The following REEP5 variants were observed in gnomAD, a reference collection of about 807,000 sequenced individuals.
REEP5 encodes receptor expression-enhancing protein 5.
REEP5 carries 24 observed loss-of-function variants against 22.4 expected under a neutral mutation model. That is an observed-to-expected ratio of 1.07 (90% CI 0.78 to 1.51). The LOEUF (loss-of-function observed/expected upper bound fraction) is 1.51, where lower values mean the gene tolerates loss of function less well. Ranked by LOEUF, REEP5 falls within the 40% of genes most tolerant of loss-of-function variation. REEP5 has a pLI of 0.00. For missense variants in REEP5, 252 were observed against 233.0 expected (o/e 1.08, Z -0.53); for synonymous variants, 103 against 88.6 (o/e 1.16, Z -0.92).
At chr5:112,886,940 C>T (rs931759597) in intron 4 of REEP5, 75 bp downstream of exon 4, 11 of 1,139,936 alleles carry the variant, frequency 9.6e-6, no homozygotes, top group Admixed American at 2.1e-5. Flanking sequence ...ACAAGAAGGC[C>T]AGGAAGCCTG....
At chr5:112,892,049 AAG>A in intron 3 of REEP5, 1 of 1,517,144 alleles carries the variant, frequency 6.6e-7, no homozygotes, top group South Asian at 1.1e-5. Context: ...AAGAAAGAAA[AAG>A]AGGAAGCTGT....
At chr5:112,888,601 CT>C (rs1192991410) in intron 3 of REEP5, among the ~76,000 whole-genome samples, 5 of 136,340 alleles carry the variant, frequency 3.7e-5, no homozygotes, top group Non-Finnish European at 7.6e-5. Context: ...TTTTTTATAA[CT>C]TTTTTTTGTA....
intron 2 of REEP5, among the ~76,000 whole-genome samples, chr5:112,913,907 A>T (rs912099660): frequency 2.9e-5 from 4 of 139,998 alleles, no homozygotes; most frequent in African/African-American, 7.9e-5. Flanking sequence ...CTCAAAACTG[A>T]ATGTGTGTGT....
intron 4 of REEP5, among the ~76,000 whole-genome samples, chr5:112,884,685 C>T (rs1768180303): frequency 6.6e-6 from 1 of 151,770 alleles, no homozygotes; most frequent in South Asian, 2.1e-4. Context: ...GTTCCTGATT[C>T]CTTTACTACT....
chr5:112,906,135 G>T (rs962753628), intron 2 of REEP5, among the ~76,000 whole-genome samples: 1 of 152,184 alleles, frequency 6.6e-6, no homozygotes, highest in African/African-American at 2.4e-5. Context: ...AGCCAAAATG[G>T]CCAAGCCATA....
At chr5:112,919,281 C>A (rs558975560) in intron 2 of REEP5, among the ~76,000 whole-genome samples, 96 of 152,248 alleles carry the variant, frequency 6.3e-4, no homozygotes, top group African/African-American at 2.3e-3. Flanking sequence ...GGTGTGGTAG[C>A]TCACGCCTGT....
chr5:112,884,191 G>C (rs756049505), intron 4 of REEP5, among the ~76,000 whole-genome samples: 5 of 152,110 alleles, frequency 3.3e-5, no homozygotes, highest in Non-Finnish European at 7.4e-5. Flanking sequence ...CTCACATAGA[G>C]TAGAAGCCAA....
At chr5:112,902,651 C>T in intron 2 of REEP5, 133 bp from the exon 3 acceptor site, 1 of 699,864 alleles carries the variant, frequency 1.4e-6, no homozygotes, top group South Asian at 2.5e-5. Flanking sequence ...TCACTAGATG[C>T]AAGAGTACAG....
chr5:112,920,836 T>C (rs958647684), intron 2 of REEP5, among the ~76,000 whole-genome samples: 5 of 152,206 alleles, frequency 3.3e-5, no homozygotes, highest in African/African-American at 1.2e-4. Context: ...ACAGAAGTGC[T>C]CAGCTCCCTG....
chr5:112,919,975 G>A (rs1190554027), intron 2 of REEP5, among the ~76,000 whole-genome samples: 2 of 152,130 alleles, frequency 1.3e-5, no homozygotes, highest in Non-Finnish European at 2.9e-5. Context: ...GACTTGATTA[G>A]ACTAATGTAA....
chr5:112,878,647 A>T lies in REEP5; in HGVS notation c.*139T>A. ...ACAGTAAAAGTAAGCAAAGAAACTT[A>T]CAACACATTCCAATCTTTAATATCT... On this transcript the variant is annotated 3_prime_UTR_variant, in exon 5 of 5. Transcript: ENST00000379638. 1.6e-6 allele frequency: 2 copies of T among 1,254,834 alleles called. No individual in the cohort carries two copies. Among genetic ancestry groups the T allele is most frequent in the Non-Finnish European group, 2.2e-6 (2 of 908,900 alleles). The allele number at this position is 1,254,834 out of a possible 1,614,324, so 77.7% of individuals were successfully genotyped here. A position where few individuals can be genotyped will look rare whatever the true frequency, so the allele number is the denominator to read the frequency against.
chr5:112,897,373 A>T (rs1053177497), intron 3 of REEP5: 1 of 151,420 alleles, frequency 6.6e-6, no homozygotes, highest in African/African-American at 2.4e-5. Context: ...ACACACACAC[A>T]CACACACACA....
chr5:112,889,128 A>G lies in REEP5; in HGVS notation c.352-1945T>C, dbSNP rs570995196. Among the ~76,000 whole-genome samples, 22 of 150,962 alleles carry G rather than the reference A, an allele frequency of 1.5e-4. 2 individuals are homozygous for G. Among genetic ancestry groups the G allele is most frequent in the African/African-American group, 5.2e-4 (21 of 40,676 alleles). On this transcript the variant is annotated intron_variant, in intron 3 of 4. Coordinates refer to ENST00000379638, the MANE Select transcript of REEP5 (RefSeq NM_005669.5). ...AACCATGTGGAACTGTGAGTCAATT[A>G]AACCTCTTTCCTTTATAAATTGCCC...
chr5:112,920,788 T>C (rs1769338532), intron 2 of REEP5, among the ~76,000 whole-genome samples: 1 of 152,166 alleles, frequency 6.6e-6, no homozygotes, highest in Admixed American at 6.5e-5. Flanking sequence ...TCTAGGTGCA[T>C]AAATATATGG....
rs1767957784 is a variant in REEP5 at position 112,878,268 on chromosome 5, A to T, written c.*518T>A. 1 of 154,282 alleles carries T rather than the reference A, an allele frequency of 6.5e-6. No homozygotes were observed. Among genetic ancestry groups the T allele is most frequent in the Non-Finnish European group, 1.4e-5 (1 of 69,160 alleles). The allele number at this position is 154,282 out of a possible 1,614,324, so 9.6% of individuals were successfully genotyped here. ...TTACTGTACAGAAGTTATAAATGAC[A>T]CATACAACCTTCCCCTGCTCCCTCC... On this transcript the variant is annotated 3_prime_UTR_variant, in exon 5 of 5. Coordinates refer to ENST00000379638, the MANE Select transcript of REEP5 (RefSeq NM_005669.5).
At chr5:112,884,785 C>A (rs955255185) in intron 4 of REEP5, among the ~76,000 whole-genome samples, 3 of 151,710 alleles carry the variant, frequency 2.0e-5, no homozygotes, top group Non-Finnish European at 4.4e-5. Flanking sequence ...CTTGGCCCCC[C>A]CCCATCTTTC....
At chr5:112,881,942 T>C (rs796645367) in intron 4 of REEP5, 1 of 150,598 alleles carries the variant, frequency 6.6e-6, no homozygotes, top group East Asian at 1.9e-4. Flanking sequence ...TTTTTGTGTT[T>C]TTTTTTTTTT....
Position 112,887,202 on chromosome 5 carries a change from A to C in REEP5, c.352-19T>G. ...AGCCACACTGCACAGAAAAAGAGCC[A>C]GCATGGGTAACAGGAGGGTGGAGGG... On this transcript the variant is annotated intron_variant, in intron 3 of 4. Coordinates refer to ENST00000379638, the MANE Select transcript of REEP5 (RefSeq NM_005669.5). The C allele has an allele frequency of 6.4e-7, 1 of 1,556,232 alleles. No homozygotes were observed. Among genetic ancestry groups the C allele is most frequent in the Non-Finnish European group, 8.8e-7 (1 of 1,141,434 alleles).
In REEP5 at chr5:112,878,609, C is replaced by T. The variant is rs1318287770; in HGVS notation, c.*177G>A. On this transcript the variant is annotated 3_prime_UTR_variant, in exon 5 of 5. Coordinates refer to ENST00000379638, the MANE Select transcript of REEP5 (RefSeq NM_005669.5). ...CCACTGCATTAAGTTTAAAGTGCTCCCTATATATATAGACAGTAAAAGTAA... is the reference window on the plus strand; with the variant it reads ...CCACTGCATTAAGTTTAAAGTGCTCTCTATATATATAGACAGTAAAAGTAA... 1 of 908,242 alleles carries T rather than the reference C, an allele frequency of 1.1e-6. No individual in the cohort carries two copies. The highest frequency in any genetic ancestry group is 2.7e-5 in the East Asian group (1 of 36,712). The allele number at this position is 908,242 out of a possible 1,614,324, so 56.3% of individuals were successfully genotyped here.
Sources: gnomAD v4.1 joint callset for allele counts (sites outside exome capture counted in the v4.1 genomes callset) on GRCh38, gnomAD v4.1.1 for gene constraint, MANE v1.5 for transcripts, NCBI Gene and HGNC (gene_info 2026-07-23, HGNC 2026-07-21) for gene names.